The following PEPD variants were observed in gnomAD, a reference collection of about 807,000 sequenced individuals.
The protein encoded by PEPD is peptidase D.
A neutral mutation model predicts 60.7 loss-of-function variants in PEPD; 53 were observed. That is an observed-to-expected ratio of 0.87 (90% CI 0.70 to 1.10). The LOEUF (loss-of-function observed/expected upper bound fraction) is 1.10. Among genes scored for constraint, PEPD ranks in the 50% least tolerant of loss-of-function variants. The pLI is 0.00. For synonymous variants in PEPD, 267 were observed against 284.1 expected (o/e 0.94, Z 0.60); for missense variants, 711 against 711.9 (o/e 1.00, Z 0.01).
At chr19:33,392,516 C>T (rs1413287517) in intron 12 of PEPD, among the ~76,000 whole-genome samples, 6 of 152,214 alleles carry the variant, frequency 3.9e-5, no homozygotes, top group African/African-American at 7.2e-5. Context: ...TGGCAGAGGC[C>T]GGGGCCCCAG....
chr19:33,514,861 C>T (rs1319860430), intron 1 of PEPD, among the ~76,000 whole-genome samples: 2 of 152,018 alleles, frequency 1.3e-5, no homozygotes, highest in Non-Finnish European at 2.9e-5. Context: ...CTCCTCCTGC[C>T]CCTAGCCTCA....
chr19:33,471,769 G>A (rs1970124419), intron 7 of PEPD, among the ~76,000 whole-genome samples: 2 of 152,218 alleles, frequency 1.3e-5, no homozygotes, highest in Non-Finnish European at 2.9e-5. Flanking sequence ...CGGCACCTTG[G>A]GAGGCCAAGG....
intron 9 of PEPD, among the ~76,000 whole-genome samples, chr19:33,434,486 T>C (rs1309771776): frequency 6.6e-6 from 1 of 152,074 alleles, no homozygotes; most frequent in Non-Finnish European, 1.5e-5. Flanking sequence ...GCTGGAGGCA[T>C]CGGGGCACCT....
chr19:33,497,771 C>T (rs551152721), intron 4 of PEPD, among the ~76,000 whole-genome samples: 1 of 152,284 alleles, frequency 6.6e-6, no homozygotes, highest in African/African-American at 2.4e-5. Flanking sequence ...TGGGATACCT[C>T]CCAGCTCAGG....
intron 3 of PEPD, among the ~76,000 whole-genome samples, chr19:33,506,689 CCA>C (rs1161617783): frequency 4.1e-5 from 6 of 147,318 alleles, no homozygotes; most frequent in South Asian, 2.2e-4. Flanking sequence ...CCTCACACAC[CCA>C]CACACAACAC....
intron 1 of PEPD, among the ~76,000 whole-genome samples, chr19:33,520,172 G>C (rs1209019024): frequency 6.6e-6 from 1 of 152,116 alleles, no homozygotes; most frequent in Non-Finnish European, 1.5e-5. Context: ...GAGAGCAGCA[G>C]GTCTCAGGCC....
At chr19:33,406,395 G>A (rs1968624986) in intron 11 of PEPD, among the ~76,000 whole-genome samples, 1 of 152,228 alleles carries the variant, frequency 6.6e-6, no homozygotes, top group Non-Finnish European at 1.5e-5. Context: ...TGGAGAGCAC[G>A]CTCCTAACTG....
intron 9 of PEPD, among the ~76,000 whole-genome samples, chr19:33,416,693 C>T (rs1968898555): frequency 6.6e-6 from 1 of 152,222 alleles, no homozygotes; most frequent in Admixed American, 6.5e-5. Context: ...GCTGTGTGGG[C>T]CCCGTTGTTT....
At chr19:33,425,483 A>G (rs77439760) in intron 9 of PEPD, among the ~76,000 whole-genome samples, 15,014 of 152,144 alleles carry the variant, frequency 0.099, 757 homozygotes, top group Middle Eastern at 0.15. Context: ...GAGCAGGGGC[A>G]AGGGGAGGGA....
At chr19:33,444,008 CAGGG>C (rs772912669) in intron 9 of PEPD, among the ~76,000 whole-genome samples, 4 of 152,128 alleles carry the variant, frequency 2.6e-5, no homozygotes, top group Admixed American at 2.0e-4. Flanking sequence ...TGTCCTCAGG[CAGGG>C]AGGGTGAGAA....
In PEPD at chr19:33,419,759, G is replaced by A. The variant is rs75552004; in HGVS notation, c.672-6116C>T. On this transcript the variant is annotated intron_variant, in intron 9 of 14. Coordinates refer to ENST00000244137, the MANE Select transcript of PEPD (RefSeq NM_000285.4). ...CCCTGACCTTGCACCCATGCACAAGGCCAGAACTGAGCAGAAAAGGGTCTG... is the reference window on the plus strand; with the variant it reads ...CCCTGACCTTGCACCCATGCACAAGACCAGAACTGAGCAGAAAAGGGTCTG... Among the ~76,000 whole-genome samples the A allele has an allele frequency of 2.6e-5, 4 of 152,340 alleles. No individual in the cohort carries two copies. The East Asian group carries it at 7.7e-4, about 29-fold the overall frequency.
intron 7 of PEPD, among the ~76,000 whole-genome samples, chr19:33,476,503 C>T (rs1970218169): frequency 6.6e-6 from 1 of 152,084 alleles, no homozygotes; most frequent in African/African-American, 2.4e-5. Context: ...CGGTCCCTCC[C>T]AGGAGCTTTC....
At chr19:33,389,884 C>T (rs1422403696) in intron 13 of PEPD, among the ~76,000 whole-genome samples, 2 of 152,262 alleles carry the variant, frequency 1.3e-5, no homozygotes, top group Non-Finnish European at 2.9e-5. Flanking sequence ...GAGAACAGGG[C>T]GCAGGCGCCA....
In PEPD at chr19:33,458,481, T is replaced by C. The variant is rs1389710502; in HGVS notation, c.671+4514A>G. The stretch of plus-strand genomic sequence containing the variant: ...GTGTATGGTATGTGGTATGTGGGGG[T>C]TGTGTGTGGAGGTGTGTATGTGTGG... On this transcript the variant is annotated intron_variant, in intron 9 of 14. Coordinates refer to ENST00000244137, the MANE Select transcript of PEPD (RefSeq NM_000285.4). Among the ~76,000 whole-genome samples, 5 of 142,896 alleles carry C rather than the reference T, an allele frequency of 3.5e-5. No homozygotes were observed. The East Asian group carries it at 1.1e-3, about 30-fold the overall frequency. The allele number at this position is 142,896 out of a possible 152,430, so 93.7% of individuals were successfully genotyped here.
At chr19:33,521,146 G>A (rs1971123066) in intron 1 of PEPD, among the ~76,000 whole-genome samples, 1 of 152,230 alleles carries the variant, frequency 6.6e-6, no homozygotes, top group Non-Finnish European at 1.5e-5. Context: ...CTGTGTGCAA[G>A]GCACCGGGCT....
At chr19:33,422,264 C>T (rs544398741) in intron 9 of PEPD, among the ~76,000 whole-genome samples, 1 of 152,250 alleles carries the variant, frequency 6.6e-6, no homozygotes, top group Non-Finnish European at 1.5e-5. Context: ...CATCCTGAGT[C>T]CCTGGATAAA....
intron 11 of PEPD, among the ~76,000 whole-genome samples, chr19:33,410,205 C>A (rs926947302): frequency 2.0e-5 from 3 of 152,238 alleles, no homozygotes; most frequent in African/African-American, 4.8e-5. Flanking sequence ...GTGTTCCTAA[C>A]ACAGCCCTAC....
intron 3 of PEPD, among the ~76,000 whole-genome samples, chr19:33,503,908 C>G (rs899634650): frequency 1.3e-5 from 2 of 152,202 alleles, no homozygotes; most frequent in South Asian, 4.1e-4. Flanking sequence ...CACTTCCACT[C>G]CCGTTATGGG....
chr19:33,445,558 C>T (rs189879593), intron 9 of PEPD, among the ~76,000 whole-genome samples: 3 of 152,286 alleles, frequency 2.0e-5, no homozygotes, highest in East Asian at 1.9e-4. Context: ...GGCAAGAAGG[C>T]GGCAAGCCCA....
Sources: gnomAD v4.1 joint callset for allele counts (sites outside exome capture counted in the v4.1 genomes callset) on GRCh38, gnomAD v4.1.1 for gene constraint, MANE v1.5 for transcripts, NCBI Gene and HGNC (gene_info 2026-07-23, HGNC 2026-07-21) for gene names.